EVI5: variants seen among roughly 807,000 people sequenced by gnomAD.
EVI5 encodes ecotropic viral integration site 5 protein homolog.
A neutral mutation model predicts 112.0 loss-of-function variants in EVI5; 73 were observed. The ratio of observed to expected loss-of-function variants is 0.65; its 90% CI spans 0.54 to 0.79. The LOEUF (loss-of-function observed/expected upper bound fraction) is 0.79, where lower values mean the gene tolerates loss of function less well. Ranked by LOEUF, EVI5 falls within the 30% of genes least tolerant of loss-of-function variation. The probability of loss-of-function intolerance (pLI) is 0.00; values close to 1 mark genes in which losing one functional copy is unlikely to be tolerated. For synonymous variants in EVI5, 305 were observed against 319.9 expected, an observed-to-expected ratio of 0.95 and a Z score of 0.50; for missense variants, 900 against 968.8, an observed-to-expected ratio of 0.93 and a Z score of 0.94.
At chr1:92,749,709 G>T (rs1412036746) in intron 1 of EVI5, among the ~76,000 whole-genome samples, 3 of 151,956 alleles carry the variant, frequency 2.0e-5, no homozygotes, top group African/African-American at 7.3e-5. Flanking sequence ...TTCAGACAAG[G>T]AAAAACTCCC....
chr1:92,531,983 C>T (rs747283153), intron 19 of EVI5, among the ~76,000 whole-genome samples: 1 of 152,132 alleles, frequency 6.6e-6, no homozygotes, highest in Non-Finnish European at 1.5e-5. Flanking sequence ...AATTAAAAGA[C>T]ACAGACTGGC....
At chr1:92,593,282 T>C (rs1026510231) in intron 18 of EVI5, among the ~76,000 whole-genome samples, 6 of 152,156 alleles carry the variant, frequency 3.9e-5, no homozygotes, top group African/African-American at 1.2e-4. Context: ...AATCAATAAA[T>C]GTAATCCAGC....
chr1:92,739,697 A>C (rs903871417), intron 1 of EVI5, among the ~76,000 whole-genome samples: 1 of 152,144 alleles, frequency 6.6e-6, no homozygotes, highest in Non-Finnish European at 1.5e-5. Context: ...ATCACTTTAT[A>C]TTTTATTAAA....
chr1:92,721,330 T>A (rs1558146200), intron 2 of EVI5, among the ~76,000 whole-genome samples: 3 of 152,164 alleles, frequency 2.0e-5, no homozygotes, highest in Admixed American at 1.3e-4. Flanking sequence ...ATATATACCA[T>A]GGAATACTAT....
At chr1:92,561,012 G>A (rs946693482) in intron 19 of EVI5, among the ~76,000 whole-genome samples, 23 of 151,992 alleles carry the variant, frequency 1.5e-4, no homozygotes, top group African/African-American at 5.3e-4. Context: ...TTTAATCTTA[G>A]TATCAGGAAT....
intron 1 of EVI5, chr1:92,784,403 G>A (rs1685317150): frequency 1.0e-6 from 1 of 985,372 alleles, no homozygotes; most frequent in Non-Finnish European, 1.2e-6. Context: ...GAATCCCGGA[G>A]GCCAAGTAAA....
intron 18 of EVI5, among the ~76,000 whole-genome samples, chr1:92,603,541 A>G (rs755777195): frequency 1.3e-5 from 2 of 152,094 alleles, no homozygotes; most frequent in African/African-American, 4.8e-5. Context: ...TAAATATACT[A>G]TAACATTATA....
intron 16 of EVI5, among the ~76,000 whole-genome samples, chr1:92,614,080 T>C (rs143774809): frequency 3.6e-4 from 55 of 152,146 alleles, no homozygotes; most frequent in African/African-American, 1.3e-3. Flanking sequence ...AAGGGAAAAA[T>C]AAAGTATTGC....
intron 19 of EVI5, among the ~76,000 whole-genome samples, chr1:92,529,366 C>G (rs1421512145): frequency 6.6e-6 from 1 of 152,134 alleles, no homozygotes; most frequent in African/African-American, 2.4e-5. Flanking sequence ...CAGATTTCAC[C>G]TTAGCAGTGA....
intron 1 of EVI5, among the ~76,000 whole-genome samples, chr1:92,776,787 C>T (rs1558245678): frequency 1.3e-5 from 2 of 151,016 alleles, no homozygotes; most frequent in African/African-American, 4.9e-5. Context: ...AGGTGCACAC[C>T]ACCATAGCCA....
At chr1:92,625,046 C>T (rs887321159) in intron 15 of EVI5, among the ~76,000 whole-genome samples, 6 of 151,808 alleles carry the variant, frequency 4.0e-5, no homozygotes, top group Admixed American at 2.6e-4. Context: ...GAAAAGATTA[C>T]AATTTTCACT....
At chr1:92,707,943 T>A (rs1672260368) in intron 2 of EVI5, among the ~76,000 whole-genome samples, 1 of 152,152 alleles carries the variant, frequency 6.6e-6, no homozygotes, top group Admixed American at 6.5e-5. Flanking sequence ...TGCTGACATG[T>A]GCATCAACAT....
chr1:92,635,540 AG>A (rs1658611683), intron 14 of EVI5, among the ~76,000 whole-genome samples: 1 of 152,158 alleles, frequency 6.6e-6, no homozygotes. Flanking sequence ...GCGCAGTATT[AG>A]GGTGCGAGTG....
intron 18 of EVI5, 142 bp downstream of exon 18, chr1:92,605,165 T>C (rs1650084062): frequency 3.2e-6 from 2 of 633,832 alleles, no homozygotes; most frequent in Non-Finnish European, 5.5e-6. Flanking sequence ...ATGTCTATTT[T>C]ACCACAATAA....
chr1:92,664,485 TAA>T (rs59296856), intron 11 of EVI5, among the ~76,000 whole-genome samples: 1 of 143,964 alleles, frequency 6.9e-6, no homozygotes, highest in Non-Finnish European at 1.5e-5. Flanking sequence ...TCCAAAGATT[TAA>T]AAAAAAAAAA....
At chr1:92,736,986 G>T (rs1677550181) in intron 1 of EVI5, among the ~76,000 whole-genome samples, 1 of 152,094 alleles carries the variant, frequency 6.6e-6, no homozygotes, top group Admixed American at 6.5e-5. Context: ...TATGTATATG[G>T]GTGTATTGAG....
chr1:92,548,376 C>T (rs1174730691), intron 19 of EVI5, among the ~76,000 whole-genome samples: 1 of 152,150 alleles, frequency 6.6e-6, no homozygotes, highest in Non-Finnish European at 1.5e-5. Flanking sequence ...TTATGACAAA[C>T]CCACAGCCAA....
At chr1:92,691,144 G>C (rs982726587) in intron 9 of EVI5, among the ~76,000 whole-genome samples, 7 of 152,138 alleles carry the variant, frequency 4.6e-5, no homozygotes, top group African/African-American at 1.7e-4. Flanking sequence ...TGAATACAAT[G>C]AAATCAATGG....
At chr1:92,673,905 TA>T (rs1200192650) in intron 10 of EVI5, among the ~76,000 whole-genome samples, 1 of 152,142 alleles carries the variant, frequency 6.6e-6, no homozygotes, top group Non-Finnish European at 1.5e-5. Context: ...ATAATTTAAT[TA>T]AAGTAAAAAC....
Sources: allele counts gnomAD v4.1 joint callset (sites outside exome capture counted in the v4.1 genomes callset), GRCh38; gene constraint gnomAD v4.1.1; transcripts MANE v1.5; gene names NCBI Gene and HGNC (gene_info 2026-07-23, HGNC 2026-07-21).